The following KCNMB2 variants were observed in gnomAD, a reference collection of about 807,000 sequenced individuals.
The protein encoded by KCNMB2 is calcium-activated potassium channel subunit beta-2.
In KCNMB2, 9 loss-of-function variants were observed where a neutral mutation model predicts 24.5. The observed-to-expected ratio is 0.37, with a 90% CI of 0.22 to 0.64. The LOEUF is 0.64. KCNMB2 is among the 30% of genes least tolerant of loss of function. The probability of loss-of-function intolerance (pLI) is 0.63; values close to 1 mark genes in which losing one functional copy is unlikely to be tolerated. For missense variants in KCNMB2, 226 were observed against 284.3 expected, an observed-to-expected ratio of 0.79 and a Z score of 1.47; for synonymous variants, 109 against 104.4, an observed-to-expected ratio of 1.04 and a Z score of -0.27.
intron 1 of KCNMB2, among the ~76,000 whole-genome samples, chr3:178,619,932 G>A (rs1718849002): frequency 6.6e-6 from 1 of 152,038 alleles, no homozygotes; most frequent in African/African-American, 2.4e-5. Flanking sequence ...AAATCATAGG[G>A]AAATTTTTCA....
chr3:178,732,551 C>G (rs754945065), intron 1 of KCNMB2, among the ~76,000 whole-genome samples: 3 of 151,976 alleles, frequency 2.0e-5, no homozygotes. Flanking sequence ...AAAATGTCCC[C>G]CAAGCATAGT....
At chr3:178,555,952 C>T (rs760604924) in intron 1 of KCNMB2, among the ~76,000 whole-genome samples, 8 of 151,998 alleles carry the variant, frequency 5.3e-5, no homozygotes, top group Admixed American at 2.0e-4. Context: ...TAAACAAAGG[C>T]TCGAATAAGA....
intron 1 of KCNMB2, among the ~76,000 whole-genome samples, chr3:178,548,541 G>A (rs1160376150): frequency 6.6e-6 from 1 of 152,136 alleles, no homozygotes; most frequent in Admixed American, 6.5e-5. Flanking sequence ...TGCCTATCAT[G>A]TCTTTATATC....
intron 3 of KCNMB2, among the ~76,000 whole-genome samples, chr3:178,826,757 T>G (rs1175165371): frequency 6.6e-6 from 1 of 152,206 alleles, no homozygotes; most frequent in African/African-American, 2.4e-5. Context: ...AGAAGCAAAA[T>G]CTAGCTGAAA....
At chr3:178,798,398 T>G (rs969951790) in intron 1 of KCNMB2, among the ~76,000 whole-genome samples, 2 of 152,132 alleles carry the variant, frequency 1.3e-5, no homozygotes, top group African/African-American at 4.8e-5. Context: ...TTTGTTTGTT[T>G]GTTTGTTTGT....
chr3:178,806,268 G>A (rs1361425144), intron 1 of KCNMB2, among the ~76,000 whole-genome samples: 3 of 152,102 alleles, frequency 2.0e-5, no homozygotes, highest in African/African-American at 7.2e-5. Context: ...TTTAGAACCT[G>A]GAAATAATAT....
intron 1 of KCNMB2, among the ~76,000 whole-genome samples, chr3:178,740,548 T>C (rs186715226): frequency 2.8e-4 from 43 of 152,358 alleles, no homozygotes; most frequent in African/African-American, 9.6e-4. Flanking sequence ...CTTATATTCT[T>C]CCACATAATA....
At chr3:178,778,462 A>ACGCACGCACGTGCGCGTGCGCGCGCG (rs1437410515) in intron 1 of KCNMB2, among the ~76,000 whole-genome samples, 5 of 63,538 alleles carry the variant, frequency 7.9e-5, no homozygotes, top group Non-Finnish European at 1.2e-4. Flanking sequence ...TAAGACACAC[A>ACGCACGCACGTGCGCGTGCGCGCGCG]CACACACACA....
At chr3:178,690,369 T>C (rs886984839) in intron 1 of KCNMB2, among the ~76,000 whole-genome samples, 6 of 151,354 alleles carry the variant, frequency 4.0e-5, no homozygotes, top group Admixed American at 2.0e-4. Context: ...AGGTTAGATA[T>C]GCTAAAACAC....
intron 1 of KCNMB2, among the ~76,000 whole-genome samples, chr3:178,617,985 A>G (rs572265385): frequency 1.3e-5 from 2 of 152,106 alleles, no homozygotes; most frequent in East Asian, 1.9e-4. Context: ...AGATATGCCT[A>G]TAGACAAAAA....
At chr3:178,765,826 C>G (rs1008179840) in intron 1 of KCNMB2, among the ~76,000 whole-genome samples, 1 of 152,202 alleles carries the variant, frequency 6.6e-6, no homozygotes, top group African/African-American at 2.4e-5. Context: ...ATCGAGCCCT[C>G]AATCCCACCC....
chr3:178,833,958 A>G (rs1183068600), intron 4 of KCNMB2, among the ~76,000 whole-genome samples: 1 of 152,172 alleles, frequency 6.6e-6, no homozygotes, highest in Admixed American at 6.5e-5. Context: ...AAAAAACAGC[A>G]GCTGAGTATT....
chr3:178,605,601 T>A (rs1180046082), intron 1 of KCNMB2, among the ~76,000 whole-genome samples: 1 of 152,142 alleles, frequency 6.6e-6, no homozygotes, highest in African/African-American at 2.4e-5. Flanking sequence ...TCAGTCTTCC[T>A]ATGGAATAGC....
intron 1 of KCNMB2, among the ~76,000 whole-genome samples, chr3:178,629,997 C>T (rs925213252): frequency 6.6e-6 from 1 of 152,192 alleles, no homozygotes; most frequent in African/African-American, 2.4e-5. Context: ...CACCAACAGA[C>T]TCACAGTTAC....
intron 1 of KCNMB2, among the ~76,000 whole-genome samples, chr3:178,798,401 T>A (rs926573394): frequency 6.6e-6 from 1 of 152,178 alleles, no homozygotes; most frequent in African/African-American, 2.4e-5. Context: ...GTTTGTTTGT[T>A]TGTTTGTTTG....
chr3:178,769,695 G>A (rs77040979), intron 1 of KCNMB2, among the ~76,000 whole-genome samples: 21,488 of 152,204 alleles, frequency 0.14, 1,852 homozygotes, highest in Admixed American at 0.18. Flanking sequence ...TTTTAAACTT[G>A]TAAATGTGAC....
intron 1 of KCNMB2, among the ~76,000 whole-genome samples, chr3:178,667,517 A>G (rs1321040425): frequency 1.3e-5 from 2 of 152,102 alleles, no homozygotes; most frequent in Non-Finnish European, 2.9e-5. Flanking sequence ...AGCCTCTACA[A>G]CCGTGAGAAA....
At chr3:178,675,526 C>T (rs1356598513) in intron 1 of KCNMB2, among the ~76,000 whole-genome samples, 2 of 139,780 alleles carry the variant, frequency 1.4e-5, no homozygotes, top group Non-Finnish European at 3.1e-5. Flanking sequence ...CAAGGGCAAG[C>T]CTGGGTAAGT....
chr3:178,670,250 T>A (rs1483361557), intron 1 of KCNMB2, among the ~76,000 whole-genome samples: 2 of 152,124 alleles, frequency 1.3e-5, no homozygotes, highest in Non-Finnish European at 2.9e-5. Flanking sequence ...AATTTTTTGT[T>A]GGTGGGAAGC....
Sources: allele counts gnomAD v4.1 joint callset (sites outside exome capture counted in the v4.1 genomes callset), GRCh38; gene constraint gnomAD v4.1.1; transcripts MANE v1.5; gene names NCBI Gene and HGNC (gene_info 2026-07-23, HGNC 2026-07-21).